Variants in SKP1 observed in about 807,000 individuals in gnomAD.
SKP1 encodes S-phase kinase associated protein 1, also known as S-phase kinase-associated protein 1.
Under a neutral mutation model 21.5 loss-of-function variants are expected in SKP1, and 1 was observed. The observed-to-expected ratio is 0.05, with a 90% CI of 0.02 to 0.22. The LOEUF (loss-of-function observed/expected upper bound fraction) is 0.22. Among genes scored for constraint, SKP1 ranks in the 10% least tolerant of loss-of-function variants. The pLI is 1.00. For missense variants in SKP1, 70 were observed against 192.0 expected, an observed-to-expected ratio of 0.36 and a Z score of 3.76; for synonymous variants, 59 against 59.3, an observed-to-expected ratio of 0.99 and a Z score of 0.03.
chr5:134,167,799 C>T (rs992900450), intron 2 of SKP1, among the ~76,000 whole-genome samples: 1 of 152,198 alleles, frequency 6.6e-6, no homozygotes, highest in Non-Finnish European at 1.5e-5. Flanking sequence ...GCTGGGATTA[C>T]AGGCGTGAGC....
At chr5:134,175,410 G>A (rs953168959) in intron 1 of SKP1, 2 of 152,182 alleles carry the variant, frequency 1.3e-5, no homozygotes, top group African/African-American at 2.4e-5. Context: ...AGGATGCAGA[G>A]TAGAGGACCC....
At chr5:134,163,817 A>C (rs900017820) in intron 3 of SKP1, among the ~76,000 whole-genome samples, 1 of 151,714 alleles carries the variant, frequency 6.6e-6, no homozygotes, top group Non-Finnish European at 1.5e-5. Context: ...AAACAAAAAA[A>C]CCCCAAAAAC....
At chr5:134,170,496 AC>A (rs1761420516) in intron 2 of SKP1, among the ~76,000 whole-genome samples, 1 of 152,168 alleles carries the variant, frequency 6.6e-6, no homozygotes. Flanking sequence ...CAAGAGTCTC[AC>A]TTCTGATTGT....
At chr5:134,158,218 A>G (rs1761154136) in intron 5 of SKP1, 9 of 1,425,000 alleles carry the variant, frequency 6.3e-6, no homozygotes, top group Non-Finnish European at 8.2e-6. Context: ...CTGTTAATAC[A>G]TTAACAAGAG....
intron 1 of SKP1, among the ~76,000 whole-genome samples, chr5:134,175,753 C>CA (rs1451705646): frequency 1.3e-5 from 2 of 152,082 alleles, no homozygotes; most frequent in Non-Finnish European, 2.9e-5. Context: ...ATACTAAACT[C>CA]AAAGATAAGT....
intron 2 of SKP1, among the ~76,000 whole-genome samples, chr5:134,172,822 C>CA (rs1333417585): frequency 1.3e-5 from 2 of 151,814 alleles, no homozygotes; most frequent in African/African-American, 4.8e-5. Context: ...ACCAGCCTGA[C>CA]AAACATGGTA....
At position 134,150,324 on chromosome 5, in the gene SKP1, A is replaced by G. The variant is rs1467655896; in HGVS notation, c.*7409T>C. The stretch of plus-strand genomic sequence containing the variant: ...CTAACAGCTAGCTCAGAAGCACTGC[A>G]CCCTAGCTTTGTTCAGTATACATAA... On this transcript the variant is annotated 3_prime_UTR_variant, in exon 6 of 6. Transcript: ENST00000353411. 6.6e-6 allele frequency: 1 copy of G among 152,060 alleles called. No individual in the cohort carries two copies. Among genetic ancestry groups the G allele is most frequent in the Non-Finnish European group, 1.5e-5 (1 of 68,010 alleles). The allele number at this position is 152,060 out of a possible 1,614,324, so 9.4% of individuals were successfully genotyped here.
intron 4 of SKP1, among the ~76,000 whole-genome samples, chr5:134,158,871 A>G (rs1340402072): frequency 4.6e-5 from 7 of 152,240 alleles, no homozygotes; most frequent in Non-Finnish European, 1.0e-4. Context: ...GTGTGTACAC[A>G]TGCACACAAA....
At chr5:134,172,152 GC>G (rs1415261861) in intron 2 of SKP1, among the ~76,000 whole-genome samples, 2 of 152,218 alleles carry the variant, frequency 1.3e-5, no homozygotes, top group Non-Finnish European at 2.9e-5. Flanking sequence ...GCCACTTGGC[GC>G]GCAACTTTAT....
chr5:134,164,315 A>T (rs985106235), intron 3 of SKP1, among the ~76,000 whole-genome samples: 2 of 140,276 alleles, frequency 1.4e-5, no homozygotes, highest in Admixed American at 7.5e-5. Flanking sequence ...GCAAAACTCC[A>T]TCTCAAGAAA....
At position 134,158,670 on chromosome 5, in the gene SKP1, C is replaced by T. The variant is rs2149373017; in HGVS notation, c.316-75G>A. ...AAATCCAAAGTTAATGATTGACACT[C>T]CGTATCTAATAAAGCTTAAAATGCT... On this transcript the variant is annotated intron_variant, in intron 4 of 5. Coordinates refer to ENST00000353411, the MANE Select transcript of SKP1 (RefSeq NM_170679.3). The T allele has an allele frequency of 2.4e-6, 3 of 1,225,534 alleles. No individual in the cohort carries two copies. In the South Asian group the frequency reaches 3.6e-5, roughly 15 times the overall value. 75.9% of individuals were successfully genotyped at this position (1,225,534 alleles called of 1,614,324 possible). A position where few individuals can be genotyped will look rare whatever the true frequency, so the allele number is the denominator to read the frequency against.
chr5:134,160,782 G>C (rs1191969842), intron 4 of SKP1, among the ~76,000 whole-genome samples: 1 of 152,140 alleles, frequency 6.6e-6, no homozygotes. Flanking sequence ...AGCTAAGCTT[G>C]CTTTTCTGAT....
chr5:134,157,816 C>T lies in SKP1; in HGVS notation c.457-48G>A, dbSNP rs371219361. On this transcript the variant is annotated intron_variant, in intron 5 of 5. Coordinates refer to ENST00000353411, the MANE Select transcript of SKP1 (RefSeq NM_170679.3). ...AGTACCTTAACTTGAGTAGTCTTTC[C>T]TAAGACTTATAAATACTACCTACTG... The T allele has an allele frequency of 3.7e-4, 603 of 1,611,582 alleles. 1 individual carries two copies. The highest frequency in any genetic ancestry group is 4.5e-4 in the Non-Finnish European group (531 of 1,177,980).
At chr5:134,172,553 CAA>C (rs1761461831) in intron 2 of SKP1, among the ~76,000 whole-genome samples, 1 of 142,428 alleles carries the variant, frequency 7.0e-6, no homozygotes, top group African/African-American at 2.7e-5. Flanking sequence ...ACAAAACAGA[CAA>C]AAGAGAAAGC....
intron 2 of SKP1, chr5:134,170,964 A>T: frequency 2.2e-6 from 1 of 451,366 alleles, no homozygotes; most frequent in East Asian, 7.0e-5. Flanking sequence ...CCTTTTAGGG[A>T]CACTTGGATT....
At chr5:134,158,349 A>G (rs1761156742) in intron 5 of SKP1, 106 bp downstream of exon 5, 4 of 1,598,258 alleles carry the variant, frequency 2.5e-6, no homozygotes, top group Non-Finnish European at 3.4e-6. Context: ...TATTATCCCT[A>G]AAGTATCAAG....
Position 134,159,196 on chromosome 5 carries a change from C to T in SKP1, c.316-601G>A, listed in dbSNP as rs898393822. 3.3e-5 allele frequency among the ~76,000 whole-genome samples: 5 copies of T among 152,202 alleles called. No individual in the cohort carries two copies. In the East Asian group the frequency reaches 7.7e-4, roughly 24 times the overall value. On this transcript the variant is annotated intron_variant, in intron 4 of 5. Transcript: ENST00000353411. ...AAGTACTTCTTTAGCTGCATCTCAC[C>T]GATTTTTCATGTGTTTTACTTCCAC...
rs1283917499 is a variant in SKP1, at chr5:134,149,441, CAAG to C, written c.*8289_*8291del. The C allele has an allele frequency of 2.0e-5, 3 of 152,326 alleles. No homozygotes were observed. Among genetic ancestry groups the C allele is most frequent in the East Asian group, 3.9e-4 (2 of 5,190 alleles). The allele number at this position is 152,326 out of a possible 1,614,324, so 9.4% of individuals were successfully genotyped here. On this transcript the variant is annotated 3_prime_UTR_variant, in exon 6 of 6. Coordinates refer to ENST00000353411, the MANE Select transcript of SKP1 (RefSeq NM_170679.3). ...CAACAAGTAGATGATACATGTCAGG[CAAG>C]AAGTATTTCACATGGGACAGCCACT...
chr5:134,166,109 C>T (rs1031177803), intron 3 of SKP1, among the ~76,000 whole-genome samples: 66 of 148,902 alleles, frequency 4.4e-4, no homozygotes, highest in Admixed American at 4.4e-3. Context: ...TACTTGAACC[C>T]GGAAGGCAGA....
Sources: gnomAD v4.1 joint callset for allele counts (sites outside exome capture counted in the v4.1 genomes callset) on GRCh38, gnomAD v4.1.1 for gene constraint, MANE v1.5 for transcripts, NCBI Gene and HGNC (gene_info 2026-07-23, HGNC 2026-07-21) for gene names.